The following LTBP4 variants were observed in gnomAD, a reference collection of about 807,000 sequenced individuals.
LTBP4 encodes latent-transforming growth factor beta-binding protein 4.
Under a neutral mutation model 180.2 loss-of-function variants are expected in LTBP4, and 93 were observed. That is an observed-to-expected ratio of 0.52 (90% CI 0.44 to 0.61). LTBP4 has a LOEUF of 0.61. LTBP4 is among the 20% of genes least tolerant of loss of function. LTBP4 has a pLI of 0.00. For missense variants in LTBP4, 2,116 were observed against 2,256.5 expected, an observed-to-expected ratio of 0.94 and a Z score of 1.26; for synonymous variants, 947 against 934.5, an observed-to-expected ratio of 1.01 and a Z score of -0.24.
At position 40,613,842 on chromosome 19, in the gene LTBP4, C is replaced by G; in HGVS notation, c.2558-74C>G. 6.3e-7 allele frequency: 1 copy of G among 1,596,464 alleles called. No homozygotes were observed. The highest frequency in any genetic ancestry group is 2.2e-5 in the East Asian group (1 of 44,600). ...TGAGAGGCCTAGGAGAGCCGAGGGG[C>G]GGTGGAGGGGTGTGGCCTAGAATGT... On this transcript the variant is annotated intron_variant, in intron 17 of 29. Coordinates refer to ENST00000396819, the MANE Select transcript of LTBP4 (RefSeq NM_001042545.2). The surrounding 1 kb of genome is among the most constrained non-coding windows in gnomAD (Gnocchi z 5.0).
intron 19 of LTBP4, among the ~76,000 whole-genome samples, chr19:40,616,060 C>G (rs955728123): frequency 4.6e-5 from 7 of 152,080 alleles, no homozygotes; most frequent in Non-Finnish European, 2.9e-5. Flanking sequence ...GAGACTGTTC[C>G]TGGCAGAGGG....
Position 40,625,295 on chromosome 19 carries a change from TA to T in LTBP4, c.3833-561del, listed in dbSNP as rs1568414515. 2.6e-3 allele frequency among the ~76,000 whole-genome samples: 39 copies of T among 15,034 alleles called. 9 individuals are homozygous for T. Among genetic ancestry groups the T allele is most frequent in the East Asian group, 0.013 (10 of 748 alleles). 9.9% of individuals were successfully genotyped at this position (15,034 alleles called of 152,430 possible). Reference sequence around the variant, plus strand: ...ATATATATATATATATATATATATATATATATATATATATATATATATTTTT... The same window carrying T: ...ATATATATATATATATATATATATATTATATATATATATATATATATTTTT... On this transcript the variant is annotated intron_variant, in intron 26 of 29. Coordinates refer to ENST00000396819, the MANE Select transcript of LTBP4 (RefSeq NM_001042545.2).
chr19:40,617,211 G>A lies in LTBP4; in HGVS notation c.3056G>A (p.Gly1019Glu), dbSNP rs781382857. 35 of 1,613,724 alleles carry A rather than the reference G, an allele frequency of 2.2e-5. No individual in the cohort carries two copies. Among genetic ancestry groups the A allele is most frequent in the Non-Finnish European group, 3.0e-5 (35 of 1,179,764 alleles). The change falls in exon 21 of 30, where the codon GGG (glycine) becomes GAG (glutamate). Residue 1019 changes from glycine to glutamate, a missense_variant. Gly to Glu is a moderately conservative substitution (Grantham distance 98). Coordinates refer to ENST00000396819, the MANE Select transcript of LTBP4 (RefSeq NM_001042545.2). ...CAGGGTTACGAGGGGGCACGGGATG[G>A]GCGTCACTGCGTGGGTACGGGACTT... ...CDQGYEGARD[G>E]RHCVDVNECE...
At position 40,626,027 on chromosome 19, in the gene LTBP4, G is replaced by A. The variant is rs1285436566; in HGVS notation, c.3985+18G>A. The A allele has an allele frequency of 1.3e-6, 2 of 1,579,576 alleles. No homozygotes were observed. The highest frequency in any genetic ancestry group is 1.7e-6 in the Non-Finnish European group (2 of 1,166,764). ...GGACTCAGGTGCTGGCACTGGCCTA[G>A]GCTGAACTCAGAGGCCTTGCCCCAT... On this transcript the variant is annotated intron_variant, in intron 27 of 29. Transcript: ENST00000396819.
chr19:40,613,613 G>A lies in LTBP4; in HGVS notation c.2557+84G>A. 1.3e-6 allele frequency: 2 copies of A among 1,534,992 alleles called. No individual in the cohort carries two copies. Among genetic ancestry groups the A allele is most frequent in the South Asian group, 1.2e-5 (1 of 83,952 alleles). On this transcript the variant is annotated intron_variant, in intron 17 of 29. Transcript: ENST00000396819. The surrounding 1 kb of genome is among the most constrained non-coding windows in gnomAD (Gnocchi z 5.0). Reference sequence around the variant, plus strand: ...GGACGGGGAGAAGAGGGCGAAAAGGGGAAAACGAGTTTTTAGCCGGGGTAT... The same window carrying A: ...GGACGGGGAGAAGAGGGCGAAAAGGAGAAAACGAGTTTTTAGCCGGGGTAT...
At chr19:40,607,834 C>T (rs1001365633) in intron 7 of LTBP4, among the ~76,000 whole-genome samples, 31 of 152,208 alleles carry the variant, frequency 2.0e-4, no homozygotes, top group African/African-American at 7.5e-4. Flanking sequence ...AAGTCCTTGG[C>T]TTCTGAGACA....
chr19:40,593,939 G>A (rs569616443), intron 1 of LTBP4, among the ~76,000 whole-genome samples: 38 of 152,080 alleles, frequency 2.5e-4, no homozygotes, highest in African/African-American at 7.2e-4. Flanking sequence ...GATTACAGGC[G>A]TGCGCCACCA....
intron 22 of LTBP4, among the ~76,000 whole-genome samples, chr19:40,621,294 T>A (rs934632341): frequency 4.6e-5 from 7 of 152,192 alleles, no homozygotes; most frequent in African/African-American, 1.4e-4. Context: ...CATCTAGTGG[T>A]CCCCAGCAAC....
chr19:40,602,440 C>T (rs781370559), intron 1 of LTBP4, among the ~76,000 whole-genome samples: 2 of 152,024 alleles, frequency 1.3e-5, no homozygotes, highest in Non-Finnish European at 2.9e-5. Context: ...CCCCCTACCC[C>T]GCAGACCCTA....
chr19:40,618,696 C>T (rs778473746), intron 21 of LTBP4, among the ~76,000 whole-genome samples: 10 of 152,148 alleles, frequency 6.6e-5, no homozygotes, highest in Non-Finnish European at 1.2e-4. Context: ...TTTCATTCAA[C>T]GTTCAATTTA....
rs2081595350 is a variant in LTBP4 at position 40,622,733 on chromosome 19, C to T, written c.3484+66C>T. On this transcript the variant is annotated intron_variant, in intron 23 of 29. Transcript: ENST00000396819. The surrounding 1 kb of genome is among the most constrained non-coding windows in gnomAD (Gnocchi z 5.1). ...GTGGAAATACTGGGTGGGGTGTGGG[C>T]CTGGGACAGGGGACACTTTTGGACA... The T allele has an allele frequency of 2.6e-6, 4 of 1,521,018 alleles. No homozygotes were observed. In the South Asian group the frequency reaches 3.8e-5, roughly 14 times the overall value. The allele number at this position is 1,521,018 out of a possible 1,614,324, so 94.2% of individuals were successfully genotyped here.
chr19:40,615,176 A>C (rs915597868), intron 19 of LTBP4, among the ~76,000 whole-genome samples: 2 of 64,718 alleles, frequency 3.1e-5, no homozygotes, highest in East Asian at 4.4e-4. Flanking sequence ...CATACAGTAT[A>C]TATTTTTTTG....
In LTBP4 at chr19:40,616,934, A is replaced by G; in HGVS notation, c.2858A>G (p.Gln953Arg). 4.3e-6 allele frequency: 7 copies of G among 1,614,008 alleles called. No individual in the cohort carries two copies. In the South Asian group the frequency reaches 6.6e-5, roughly 15 times the overall value. ...QEYGPEICGA[Q>R]RCENTPGSYR... Reference sequence around the variant, plus strand: ...TATGGTCCCGAGATTTGTGGAGCCCAGCGTTGTGAGAACACCCCTGGCTCC... The same window carrying G: ...TATGGTCCCGAGATTTGTGGAGCCCGGCGTTGTGAGAACACCCCTGGCTCC... Residue 953 changes from glutamine to arginine, a missense_variant, in exon 20 of 30, where the codon CAG (glutamine) becomes CGG (arginine). Transcript: ENST00000396819.
In LTBP4 at chr19:40,605,708, T is replaced by A. The variant is rs1568403087; in HGVS notation, c.691-21T>A. The A allele has an allele frequency of 6.5e-7, 1 of 1,547,228 alleles. No individual in the cohort carries two copies. The highest frequency in any genetic ancestry group is 8.7e-7 in the Non-Finnish European group (1 of 1,146,242). ...AGCTTGCCTCCGCGCGGGGGCGCGC[T>A]CACCCAACACTTCCCCGCAGTGCGC... On this transcript the variant is annotated intron_variant, in intron 3 of 29. Transcript: ENST00000396819. This position sits in a 1 kb window ranked among gnomAD's most constrained non-coding sequence, Gnocchi z 5.5.
chr19:40,627,276 C>T lies in LTBP4; in HGVS notation c.4287C>T (p.Thr1429=). 1 of 1,550,940 alleles carries T rather than the reference C, an allele frequency of 6.4e-7. No individual in the cohort carries two copies. The highest frequency in any genetic ancestry group is 8.7e-7 in the Non-Finnish European group (1 of 1,151,998). The change falls in exon 28 of 30, where the codon ACC becomes ACT. Residue 1429 remains threonine (T), a synonymous_variant. Transcript: ENST00000396819. ...SEAPAPPGPG[T]RWPYRSRDTR... is the part of the protein sequence containing the mutation. ...CTCCTGCGCCACCTGGCCCGGGCAC[C>T]CGCTGGCCCTATCGGTCCCGGGACA...
Position 40,605,543 on chromosome 19 carries a change from C to T in LTBP4, c.581C>T (p.Ala194Val). The T allele has an allele frequency of 2.5e-6, 4 of 1,606,340 alleles. No individual in the cohort carries two copies. The stretch of plus-strand genomic sequence containing the variant: ...GCGCGGGCGGAAGCGGCGGCGCGGG[C>T]GGAGGCGGCAGCGCCCTACACGGTG... ...AVARAEAAAR[A>V]EAAAPYTVLA... Residue 194 changes from alanine (A) to valine (V), a missense_variant, in exon 3 of 30, where the codon GCG (alanine) becomes GTG (valine). This residue lies in a region of LTBP4 where 469 missense variants were observed against 532.5 expected (regional missense o/e 0.88). Transcript: ENST00000396819. This position sits in a 1 kb window ranked among gnomAD's most constrained non-coding sequence, Gnocchi z 5.5.
At position 40,629,732 on chromosome 19, in the gene LTBP4, TGTC is replaced by T. The variant is rs558641472; in HGVS notation, c.*185_*187del. On this transcript the variant is annotated 3_prime_UTR_variant, in exon 30 of 30. Transcript: ENST00000396819. The surrounding 1 kb of genome is among the most constrained non-coding windows in gnomAD (Gnocchi z 4.5). ...CGCCTCCACCAGCGCCTCCCACTGA[TGTC>T]GTGGTCCCGGGCCTGGCCCAGGGGC... is the stretch of plus-strand genomic sequence containing the variant. 63 of 528,914 alleles carry T rather than the reference TGTC, an allele frequency of 1.2e-4. No individual in the cohort carries two copies. The highest frequency in any genetic ancestry group is 9.0e-4 in the African/African-American group (45 of 49,732). 32.8% of individuals were successfully genotyped at this position (528,914 alleles called of 1,614,324 possible). A position where few individuals can be genotyped will look rare whatever the true frequency, so the allele number is the denominator to read the frequency against.
chr19:40,609,567 C>G lies in LTBP4; in HGVS notation c.1464C>G (p.Val488=). The change falls in exon 10 of 30, where the codon GTC becomes GTG. Residue 488 remains valine (V), a synonymous_variant. Transcript: ENST00000396819. This position sits in a 1 kb window ranked among gnomAD's most constrained non-coding sequence, Gnocchi z 4.9. ...SSGMCQRNPQ[V]CGPGRCISRP... Reference sequence around the variant, plus strand: ...GCATGTGTCAGCGCAACCCCCAGGTCTGCGGCCCAGGACGCTGCATTTCCC... The same window carrying G: ...GCATGTGTCAGCGCAACCCCCAGGTGTGCGGCCCAGGACGCTGCATTTCCC... The G allele has an allele frequency of 6.2e-7, 1 of 1,613,502 alleles. No individual in the cohort carries two copies. Among genetic ancestry groups the G allele is most frequent in the Non-Finnish European group, 8.5e-7 (1 of 1,179,840 alleles).
In LTBP4 at chr19:40,614,015, G is replaced by A; in HGVS notation, c.2657G>A (p.Gly886Asp). 6.2e-7 allele frequency: 1 copy of A among 1,613,198 alleles called. No individual in the cohort carries two copies. The highest frequency in any genetic ancestry group is 8.5e-7 in the Non-Finnish European group (1 of 1,179,726). ...ATCTGTCCTCCGGGACACCGCGCTG[G>A]CCCGGACCTCGCCTCCTGCCTCGGT... ...ECICPPGHRAGPDLASCLDVD... is the reference protein window; with the variant it reads ...ECICPPGHRADPDLASCLDVD... The change falls in exon 18 of 30, where the codon GGC (glycine) becomes GAC (aspartate). Residue 886 changes from glycine to aspartate, a missense_variant. Coordinates refer to ENST00000396819, the MANE Select transcript of LTBP4 (RefSeq NM_001042545.2).
Sources: allele counts gnomAD v4.1 joint callset (sites outside exome capture counted in the v4.1 genomes callset), GRCh38; gene constraint gnomAD v4.1.1; regional missense constraint gnomAD v4.1.1; non-coding constraint Gnocchi (gnomAD v3.1); transcripts MANE v1.5; gene names NCBI Gene and HGNC (gene_info 2026-07-23, HGNC 2026-07-21).